ZNF469: variants seen among roughly 807,000 people sequenced by gnomAD.
ZNF469 encodes zinc finger protein 469.
ZNF469 carries 1 observed loss-of-function variant against 1.0 expected under a neutral mutation model. That is an observed-to-expected ratio of 1.00 (90% CI 0.35 to 4.73). The LOEUF is 4.73. Among genes scored for constraint, ZNF469 ranks in the 30% most tolerant of loss-of-function variants. The pLI is 0.16. For synonymous variants in ZNF469, 2,703 were observed against 2,363.4 expected (o/e 1.14, Z -4.17); for missense variants, 6,100 against 5,356.3 (o/e 1.14, Z -4.33).
At chr16:88,111,928 C>T in the ZNF469 span, among the ~76,000 whole-genome samples, 8 of 152,196 alleles carry the variant, frequency 5.3e-5, no homozygotes, top group Non-Finnish European at 1.5e-5. Flanking sequence ...AGCCACCGCG[C>T]CCGGCCAAAA....
At chr16:88,369,732 G>C in the ZNF469 span, among the ~76,000 whole-genome samples, 1 of 152,214 alleles carries the variant, frequency 6.6e-6, no homozygotes, top group Non-Finnish European at 1.5e-5. Flanking sequence ...TGCAGAGCTA[G>C]ATGGAGAGGA....
intron 1 of ZNF469, among the ~76,000 whole-genome samples, chr16:88,398,309 T>C (rs1357759759): frequency 1.3e-5 from 2 of 150,554 alleles, no homozygotes; most frequent in South Asian, 2.1e-4. Flanking sequence ...GCGACGTGAG[T>C]CACAGATGAA....
At chr16:88,320,710 T>C in the ZNF469 span, among the ~76,000 whole-genome samples, 7 of 152,136 alleles carry the variant, frequency 4.6e-5, no homozygotes, top group Non-Finnish European at 1.0e-4. Context: ...GACAGGTATG[T>C]TGGTCTTGAA....
the ZNF469 span, among the ~76,000 whole-genome samples, chr16:88,283,430 A>G: frequency 6.6e-6 from 1 of 152,238 alleles, no homozygotes; most frequent in Non-Finnish European, 1.5e-5. Context: ...ATGAATGAAC[A>G]GAGAGGGATG....
the ZNF469 span, among the ~76,000 whole-genome samples, chr16:88,274,722 C>T: frequency 1.3e-5 from 2 of 152,236 alleles, no homozygotes; most frequent in Non-Finnish European, 2.9e-5. Context: ...GAATTCAGTT[C>T]AATTCTGCTA....
the ZNF469 span, among the ~76,000 whole-genome samples, chr16:88,295,709 G>A: frequency 2.1e-3 from 320 of 152,276 alleles, 2 homozygotes; most frequent in African/African-American, 7.3e-3. Flanking sequence ...GGGAGATGCT[G>A]GGCAGGACCA....
chr16:88,253,347 C>T, the ZNF469 span, among the ~76,000 whole-genome samples: 102 of 152,296 alleles, frequency 6.7e-4, no homozygotes, highest in African/African-American at 2.3e-3. Flanking sequence ...CGCTTCATTA[C>T]CTACACTTGG....
the ZNF469 span, among the ~76,000 whole-genome samples, chr16:88,312,213 C>A: frequency 1.3e-5 from 2 of 152,210 alleles, no homozygotes; most frequent in South Asian, 4.1e-4. Context: ...GTCCCTCCCA[C>A]AACACAAGGG....
chr16:88,248,879 C>T, the ZNF469 span, among the ~76,000 whole-genome samples: 131 of 152,216 alleles, frequency 8.6e-4, 2 homozygotes, highest in Non-Finnish European at 2.8e-4. Context: ...CTTTGTCTGG[C>T]AGGGATGATC....
At position 88,430,713 on chromosome 16, in the gene ZNF469, G is replaced by T. The variant is rs1165891809; in HGVS notation, c.3243G>T (p.Arg1081=). The change falls in exon 3 of 3, where the codon CGG becomes CGT. Residue 1081 remains arginine (R), a synonymous_variant. Transcript: ENST00000565624. ...GCTCCCTGGCGGCGGGGAGGCCCCG[G>T]CCCGGAGCTGAGGACCGCAGGCTCC... ...RCGSLAAGRP[R]PGAEDRRLRE... The T allele has an allele frequency of 1.3e-6, 2 of 1,487,758 alleles. No individual in the cohort carries two copies. The highest frequency in any genetic ancestry group is 2.3e-5 in the Admixed American group (1 of 43,852). 92.2% of individuals were successfully genotyped at this position (1,487,758 alleles called of 1,614,324 possible).
chr16:88,257,535 A>C, the ZNF469 span, among the ~76,000 whole-genome samples: 1 of 152,174 alleles, frequency 6.6e-6, no homozygotes, highest in African/African-American at 2.4e-5. Context: ...CTTATCAATT[A>C]TTTCTTTCCT....
At chr16:88,197,953 A>G in the ZNF469 span, among the ~76,000 whole-genome samples, 1 of 152,238 alleles carries the variant, frequency 6.6e-6, no homozygotes, top group Non-Finnish European at 1.5e-5. Flanking sequence ...GTGTGCCCAC[A>G]ACCCTCTACT....
the ZNF469 span, among the ~76,000 whole-genome samples, chr16:88,189,798 A>G: frequency 6.6e-6 from 1 of 152,188 alleles, no homozygotes; most frequent in South Asian, 2.1e-4. The surrounding 1 kb of genome is among the most constrained non-coding windows in gnomAD (Gnocchi z 4.3). Context: ...AGGCACCTGT[A>G]ATCCCAAGTA....
chr16:88,305,926 TCA>T, the ZNF469 span, among the ~76,000 whole-genome samples: 1 of 151,848 alleles, frequency 6.6e-6, no homozygotes, highest in African/African-American at 2.4e-5. Context: ...TCTCATGCAC[TCA>T]CACACTGTCA....
the ZNF469 span, among the ~76,000 whole-genome samples, chr16:88,247,762 T>A: frequency 6.6e-6 from 1 of 151,396 alleles, no homozygotes; most frequent in African/African-American, 2.4e-5. Flanking sequence ...AGTCAGTGAG[T>A]GAATGAGTCA....
intron 1 of ZNF469, among the ~76,000 whole-genome samples, chr16:88,415,640 C>T (rs146414447): frequency 1.3e-5 from 2 of 152,176 alleles, no homozygotes; most frequent in East Asian, 3.9e-4. Flanking sequence ...CAGGAGGACA[C>T]GGACCCAGCC....
At chr16:88,260,078 C>T in the ZNF469 span, among the ~76,000 whole-genome samples, 1 of 151,770 alleles carries the variant, frequency 6.6e-6, no homozygotes, top group African/African-American at 2.4e-5. The surrounding 1 kb of genome is among the most constrained non-coding windows in gnomAD (Gnocchi z 4.1). Flanking sequence ...CCCGGGTTCA[C>T]GTGATTTTCC....
the ZNF469 span, among the ~76,000 whole-genome samples, chr16:88,124,806 T>C: frequency 2.0e-5 from 3 of 152,124 alleles, no homozygotes; most frequent in African/African-American, 7.2e-5. Flanking sequence ...TTGGTCTTGA[T>C]CTCCCGACCT....
At chr16:88,112,575 G>C in the ZNF469 span, among the ~76,000 whole-genome samples, 26 of 152,286 alleles carry the variant, frequency 1.7e-4, no homozygotes, top group African/African-American at 6.3e-4. Context: ...GGCCATTTGT[G>C]TGTCTCCTTT....
Sources: gnomAD v4.1 joint callset for allele counts (sites outside exome capture counted in the v4.1 genomes callset) on GRCh38, gnomAD v4.1.1 for gene constraint, Gnocchi (gnomAD v3.1) non-coding constraint, MANE v1.5 for transcripts, NCBI Gene and HGNC (gene_info 2026-07-23, HGNC 2026-07-21) for gene names.